MTFR1: variants seen among roughly 807,000 people sequenced by gnomAD.
The protein encoded by MTFR1 is chondrocyte protein with a poly-proline region.
Under a neutral mutation model 38.8 loss-of-function variants are expected in MTFR1, and 28 were observed. The observed-to-expected ratio is 0.72, with a 90% CI of 0.53 to 0.99. MTFR1 has a LOEUF of 0.99. Ranked by LOEUF, MTFR1 falls within the 50% of genes least tolerant of loss-of-function variation. The pLI is 0.00. For missense variants in MTFR1, 358 were observed against 395.5 expected (o/e 0.91, Z 0.81); for synonymous variants, 145 against 137.0 (o/e 1.06, Z -0.41).
chr8:65,740,535 G>A (rs1167057021), intron 3 of MTFR1, among the ~76,000 whole-genome samples: 7 of 152,052 alleles, frequency 4.6e-5, no homozygotes, highest in Admixed American at 4.6e-4. Flanking sequence ...CGAGTAGCAG[G>A]GAGTACAGGC....
At chr8:65,715,201 T>C (rs1227358019), downstream of MTFR1, among the ~76,000 whole-genome samples, 1 of 152,056 alleles carries the variant, frequency 6.6e-6, no homozygotes, top group Non-Finnish European at 1.5e-5. Context: ...TTTCCTAAAA[T>C]TTTTTAGAAA....
At chr8:65,681,134 G>A (rs1265679195) in intron 2 of MTFR1, among the ~76,000 whole-genome samples, 1 of 151,480 alleles carries the variant, frequency 6.6e-6, no homozygotes, top group Non-Finnish European at 1.5e-5. Flanking sequence ...GGATGGTCTC[G>A]ATCTCCTGAC....
intron 4 of MTFR1, among the ~76,000 whole-genome samples, chr8:65,704,123 C>A (rs1343971812): frequency 6.6e-6 from 1 of 152,010 alleles, no homozygotes; most frequent in East Asian, 1.9e-4. Flanking sequence ...TAAGGAAATG[C>A]TGAATTATAT....
chr8:65,662,002 C>CCACTCCCTCTCT (rs1809427932), intron 1 of MTFR1, among the ~76,000 whole-genome samples: 1 of 139,114 alleles, frequency 7.2e-6, no homozygotes. Context: ...AAGCCCTCTC[C>CCACTCCCTCTCT]CTCTCCCTCT....
At chr8:65,776,725 C>T in the MTFR1 span, among the ~76,000 whole-genome samples, 1 of 152,166 alleles carries the variant, frequency 6.6e-6, no homozygotes, top group African/African-American at 2.4e-5. Flanking sequence ...CCACTACGTA[C>T]TGACTTTGTA....
chr8:65,685,431 A>G (rs1440638608), intron 3 of MTFR1, among the ~76,000 whole-genome samples: 1 of 152,220 alleles, frequency 6.6e-6, no homozygotes, highest in African/African-American at 2.4e-5. Context: ...TACCAACTCT[A>G]TTGGGTAATT....
At chr8:65,668,019 A>G (rs1321960150) in intron 1 of MTFR1, among the ~76,000 whole-genome samples, 1 of 151,642 alleles carries the variant, frequency 6.6e-6, no homozygotes, top group African/African-American at 2.4e-5. Context: ...TTTTCTTCCT[A>G]TTCTCTGTTG....
chr8:65,705,357 G>A (rs993697733), intron 5 of MTFR1, among the ~76,000 whole-genome samples: 24 of 152,216 alleles, frequency 1.6e-4, no homozygotes, highest in Middle Eastern at 3.4e-3. Context: ...AAAACCAGGT[G>A]TCAGTCCTTT....
At chr8:65,746,196 C>T (rs61224841) in intron 3 of MTFR1, among the ~76,000 whole-genome samples, 1,628 of 151,432 alleles carry the variant, frequency 0.011, 16 homozygotes, top group African/African-American at 0.036. Context: ...GGCCTCCGAA[C>T]GTGCTAGGAT....
chr8:65,715,462 C>G (rs1806095724), downstream of MTFR1, among the ~76,000 whole-genome samples: 1 of 151,418 alleles, frequency 6.6e-6, no homozygotes, highest in Non-Finnish European at 1.5e-5. Context: ...CTTGCAACCT[C>G]CGCCACCTGG....
chr8:65,731,066 G>T (rs549054601), intron 3 of MTFR1, among the ~76,000 whole-genome samples: 3 of 152,276 alleles, frequency 2.0e-5, no homozygotes, highest in Non-Finnish European at 2.9e-5. Flanking sequence ...TGTTTTAGGG[G>T]ACAGGTAAAT....
chr8:65,763,865 T>C (rs1361566528), intron 3 of MTFR1, among the ~76,000 whole-genome samples: 1 of 152,266 alleles, frequency 6.6e-6, no homozygotes, highest in Non-Finnish European at 1.5e-5. Context: ...ACCATTAAAC[T>C]GTATTAAGAT....
chr8:65,738,848 A>G (rs1807268509), intron 3 of MTFR1, among the ~76,000 whole-genome samples: 1 of 152,256 alleles, frequency 6.6e-6, no homozygotes, highest in Non-Finnish European at 1.5e-5. Context: ...TTAGAAAAGT[A>G]CAGAAATTGT....
chr8:65,688,172 A>G (rs1805154955), intron 3 of MTFR1, among the ~76,000 whole-genome samples: 1 of 150,310 alleles, frequency 6.7e-6, no homozygotes, highest in Non-Finnish European at 1.5e-5. Context: ...AGGCTGAGGC[A>G]GGTGGATTAC....
chr8:65,765,476 G>C (rs1411050262), intron 3 of MTFR1: 1 of 100,526 alleles, frequency 9.9e-6, no homozygotes, highest in Non-Finnish European at 1.8e-5. Context: ...GCGACAGAGC[G>C]AGACTCCGTC....
downstream of MTFR1, among the ~76,000 whole-genome samples, chr8:65,773,719 T>G (rs1379895643): frequency 6.6e-6 from 1 of 152,192 alleles, no homozygotes; most frequent in Non-Finnish European, 1.5e-5. Flanking sequence ...TGCTCCTGGT[T>G]TCCTAGTGAT....
intron 3 of MTFR1, among the ~76,000 whole-genome samples, chr8:65,753,348 CCTT>C (rs1371662951): frequency 6.6e-6 from 1 of 152,180 alleles, no homozygotes; most frequent in East Asian, 1.9e-4. Flanking sequence ...ATGGCTCTCT[CCTT>C]CTCTGCCAAA....
At chr8:65,652,134 C>T (rs913610169) in intron 1 of MTFR1, among the ~76,000 whole-genome samples, 29 of 152,042 alleles carry the variant, frequency 1.9e-4, no homozygotes, top group Non-Finnish European at 3.2e-4. Context: ...AAGTCCCACT[C>T]TGTCGCCCGG....
chr8:65,700,451 G>A (rs77929048), intron 4 of MTFR1, among the ~76,000 whole-genome samples: 2,929 of 151,662 alleles, frequency 0.019, 28 homozygotes, highest in African/African-American at 0.028. Context: ...AATAACATGA[G>A]AAAACTGTTA....
Sources: gnomAD v4.1 joint callset for allele counts (sites outside exome capture counted in the v4.1 genomes callset) on GRCh38, gnomAD v4.1.1 for gene constraint, MANE v1.5 for transcripts, NCBI Gene and HGNC (gene_info 2026-07-23, HGNC 2026-07-21) for gene names.